Variants in SCHIP1 observed in about 807,000 individuals in gnomAD.
SCHIP1 encodes the protein schwannomin interacting protein 1.
A neutral mutation model predicts 29.7 loss-of-function variants in SCHIP1; 8 were observed. The ratio of observed to expected loss-of-function variants is 0.27; its 90% CI spans 0.16 to 0.49. The LOEUF is 0.49. SCHIP1 is among the 20% of genes least tolerant of loss of function. The pLI is 0.99. For synonymous variants in SCHIP1, 76 were observed against 94.9 expected (o/e 0.80, Z 1.16); for missense variants, 193 against 294.6 (o/e 0.66, Z 2.52).
the SCHIP1 span, among the ~76,000 whole-genome samples, chr3:159,571,621 C>T: frequency 8.9e-4 from 136 of 152,254 alleles, no homozygotes; most frequent in African/African-American, 3.1e-3. Flanking sequence ...GCTTTGGTAT[C>T]AGGATGATGT....
chr3:159,413,121 C>T, the SCHIP1 span, among the ~76,000 whole-genome samples: 2 of 152,148 alleles, frequency 1.3e-5, no homozygotes, highest in Non-Finnish European at 2.9e-5. Flanking sequence ...CCCATGAGAA[C>T]TCAGTCACTA....
chr3:159,692,013 C>CTTT, the SCHIP1 span, among the ~76,000 whole-genome samples: 38 of 90,950 alleles, frequency 4.2e-4, 1 homozygote, highest in African/African-American at 7.2e-4. Context: ...CCCGACCTTT[C>CTTT]TTTTTTTTTT....
the SCHIP1 span, among the ~76,000 whole-genome samples, chr3:159,720,649 ATC>A: frequency 6.6e-6 from 1 of 151,840 alleles, no homozygotes; most frequent in Non-Finnish European, 1.5e-5. Flanking sequence ...CAGTGGCACC[ATC>A]TCGGCTCACT....
the SCHIP1 span, among the ~76,000 whole-genome samples, chr3:159,788,285 A>G: frequency 2.0e-4 from 30 of 152,348 alleles, no homozygotes; most frequent in Admixed American, 1.2e-3. Flanking sequence ...CACTCTTTCC[A>G]GAAAAACAAA....
At chr3:159,469,002 G>A in the SCHIP1 span, among the ~76,000 whole-genome samples, 2 of 151,672 alleles carry the variant, frequency 1.3e-5, no homozygotes, top group Admixed American at 6.6e-5. Flanking sequence ...TCCTGACCTC[G>A]TGATCTGCTT....
chr3:159,414,055 G>A, the SCHIP1 span, among the ~76,000 whole-genome samples: 15 of 152,204 alleles, frequency 9.9e-5, no homozygotes, highest in Non-Finnish European at 1.9e-4. Flanking sequence ...TGGGCGTTAT[G>A]TGAACCAACA....
chr3:159,401,163 C>T, the SCHIP1 span: 1 of 978,420 alleles, frequency 1.0e-6, no homozygotes, highest in Non-Finnish European at 1.2e-6. Flanking sequence ...ATTCATTCTC[C>T]TATCTCCATA....
the SCHIP1 span, among the ~76,000 whole-genome samples, chr3:159,322,753 T>C: frequency 6.6e-5 from 10 of 152,206 alleles, no homozygotes; most frequent in Non-Finnish European, 1.2e-4. Context: ...TCCTCCCTAG[T>C]CCTTCCTTGC....
At chr3:159,358,593 A>G in the SCHIP1 span, among the ~76,000 whole-genome samples, 1 of 152,306 alleles carries the variant, frequency 6.6e-6, no homozygotes, top group East Asian at 1.9e-4. Flanking sequence ...AAAGAGCCAC[A>G]CTGCTACTGA....
At chr3:159,869,871 T>C (rs1255951494) in intron 2 of SCHIP1, among the ~76,000 whole-genome samples, 1 of 151,948 alleles carries the variant, frequency 6.6e-6, no homozygotes, top group African/African-American at 2.4e-5. Context: ...TATTAGGTAT[T>C]TCTTAATAAG....
At chr3:159,463,126 C>T in the SCHIP1 span, among the ~76,000 whole-genome samples, 7 of 151,244 alleles carry the variant, frequency 4.6e-5, no homozygotes, top group South Asian at 6.3e-4. Context: ...TATATACATA[C>T]TATATATACA....
At chr3:159,569,672 G>A in the SCHIP1 span, among the ~76,000 whole-genome samples, 1 of 152,076 alleles carries the variant, frequency 6.6e-6, no homozygotes, top group Non-Finnish European at 1.5e-5. Context: ...ATAATCCTTT[G>A]GGTATATACC....
chr3:159,480,158 A>G, the SCHIP1 span, among the ~76,000 whole-genome samples: 1 of 152,168 alleles, frequency 6.6e-6, no homozygotes, highest in East Asian at 1.9e-4. Flanking sequence ...CTCTACTTGT[A>G]GCTACTTGAG....
the SCHIP1 span, among the ~76,000 whole-genome samples, chr3:159,800,487 T>A: frequency 6.6e-6 from 1 of 152,202 alleles, no homozygotes; most frequent in Non-Finnish European, 1.5e-5. Flanking sequence ...ATGAGCTTTA[T>A]GGTACACAGA....
chr3:159,335,253 C>T, the SCHIP1 span, among the ~76,000 whole-genome samples: 9 of 152,144 alleles, frequency 5.9e-5, no homozygotes, highest in African/African-American at 2.2e-4. Flanking sequence ...CCATGTACTT[C>T]TACCAGCAGC....
In SCHIP1 at chr3:159,843,846, A is replaced by G. The variant is rs112560871; in HGVS notation, c.30+3632A>G. On this transcript the variant is annotated intron_variant, in intron 1 of 6. Transcript: ENST00000445224. ...TCAAAAAAAAAAAAAAAAAAAAAAA[A>G]GCATTGTAAACATTCTATGGCATTT... Among the ~76,000 whole-genome samples, 418 of 140,082 alleles carry G rather than the reference A, an allele frequency of 3.0e-3. 6 individuals are homozygous for G. Among genetic ancestry groups the G allele is most frequent in the Admixed American group, 7.9e-3 (110 of 13,874 alleles). The allele number at this position is 140,082 out of a possible 152,430, so 91.9% of individuals were successfully genotyped here. A position where few individuals can be genotyped will look rare whatever the true frequency, so the allele number is the denominator to read the frequency against.
At chr3:159,671,309 C>T in the SCHIP1 span, among the ~76,000 whole-genome samples, 1 of 152,186 alleles carries the variant, frequency 6.6e-6, no homozygotes, top group Admixed American at 6.5e-5. Context: ...AGGAGATCTC[C>T]TGACATGGAT....
chr3:159,714,303 A>G, the SCHIP1 span, among the ~76,000 whole-genome samples: 9 of 152,280 alleles, frequency 5.9e-5, no homozygotes, highest in East Asian at 1.4e-3. Context: ...TCCAGTCTAC[A>G]ACTCCCAGCA....
the SCHIP1 span, among the ~76,000 whole-genome samples, chr3:159,408,330 A>C: frequency 6.6e-6 from 1 of 151,958 alleles, no homozygotes; most frequent in Admixed American, 6.6e-5. Context: ...TCAGAGCAGA[A>C]ATAAATTAAT....
Sources: gnomAD v4.1 joint callset for allele counts (sites outside exome capture counted in the v4.1 genomes callset) on GRCh38, gnomAD v4.1.1 for gene constraint, MANE v1.5 for transcripts, NCBI Gene and HGNC (gene_info 2026-07-23, HGNC 2026-07-21) for gene names.